CYYR1: variants seen among roughly 807,000 people sequenced by gnomAD.
CYYR1 encodes cysteine and tyrosine-rich protein 1.
CYYR1 carries 14 observed loss-of-function variants against 15.2 expected under a neutral mutation model. The observed-to-expected ratio is 0.92, with a 90% CI of 0.61 to 1.44. The LOEUF (loss-of-function observed/expected upper bound fraction) is 1.44, where lower values mean the gene tolerates loss of function less well. Ranked by LOEUF, CYYR1 falls within the 40% of genes most tolerant of loss-of-function variation. The pLI, the probability that CYYR1 is intolerant of heterozygous loss-of-function variation, is 0.00. For synonymous variants in CYYR1, 80 were observed against 77.4 expected, an observed-to-expected ratio of 1.03 and a Z score of -0.18; for missense variants, 228 against 209.5, an observed-to-expected ratio of 1.09 and a Z score of -0.54.
chr21:26,506,000 T>C (rs1330498051), intron 2 of CYYR1, among the ~76,000 whole-genome samples: 2 of 152,164 alleles, frequency 1.3e-5, no homozygotes, highest in Non-Finnish European at 2.9e-5. Flanking sequence ...ATATGCTGCA[T>C]GATGAATTTT....
chr21:26,541,229 T>A (rs182511089), intron 2 of CYYR1, among the ~76,000 whole-genome samples: 1 of 152,186 alleles, frequency 6.6e-6, no homozygotes, highest in East Asian at 1.9e-4. Flanking sequence ...GAAAGAATGT[T>A]TAAAAATTTC....
At chr21:26,512,179 T>A (rs2065656977) in intron 2 of CYYR1, among the ~76,000 whole-genome samples, 1 of 152,062 alleles carries the variant, frequency 6.6e-6, no homozygotes, top group African/African-American at 2.4e-5. Context: ...AGGAGTATCG[T>A]TCACATTCAG....
In CYYR1 at chr21:26,572,890, C is replaced by G; in HGVS notation, c.51G>C (p.Leu17Phe). The G allele has an allele frequency of 6.2e-7, 1 of 1,614,070 alleles. No homozygotes were observed. The highest frequency in any genetic ancestry group is 2.2e-5 in the East Asian group (1 of 44,842). ...GACCTGCGTAGACAAAGAGCAGGAC[C>G]AACTTCGGAAGCAAGACCCCTGGAC... is the stretch of plus-strand genomic sequence containing the variant. ...PVRPGVLLPK[L>F]VLLFVYADDC... Residue 17 changes from leucine to phenylalanine, a missense_variant, in exon 1 of 4, where the codon TTG (leucine) becomes TTC (phenylalanine). Transcript: ENST00000652641.
At chr21:26,495,508 T>C (rs1569147500) in intron 2 of CYYR1, among the ~76,000 whole-genome samples, 1 of 152,118 alleles carries the variant, frequency 6.6e-6, no homozygotes, top group Non-Finnish European at 1.5e-5. Flanking sequence ...CATTGGAGGG[T>C]TGTCTAATTG....
At chr21:26,556,890 T>C (rs779769723) in intron 2 of CYYR1, among the ~76,000 whole-genome samples, 2 of 152,068 alleles carry the variant, frequency 1.3e-5, no homozygotes, top group Non-Finnish European at 2.9e-5. Context: ...AATCCAGATA[T>C]AGTGGGTAAG....
chr21:26,566,392 A>T, intron 1 of CYYR1, 24 bp from the exon 2 acceptor site: 1 of 1,557,562 alleles, frequency 6.4e-7, no homozygotes, highest in Non-Finnish European at 8.8e-7. Context: ...ACCACTTGTG[A>T]GCAGTTATAG....
At chr21:26,563,275 C>T (rs1255820520) in intron 2 of CYYR1, among the ~76,000 whole-genome samples, 3 of 150,688 alleles carry the variant, frequency 2.0e-5, no homozygotes, top group Non-Finnish European at 4.4e-5. Context: ...TAGAAAGAAT[C>T]TAAAAAAAAA....
chr21:26,468,708 C>T (rs940817285), intron 3 of CYYR1, 74 bp from the exon 4 acceptor site: 2 of 1,170,182 alleles, frequency 1.7e-6, no homozygotes, highest in Non-Finnish European at 2.4e-6. Flanking sequence ...AGCCACTGGG[C>T]TAGATACTTT....
rs552716709 is a variant in CYYR1, at chr21:26,524,828, C to T, written c.176+41438G>A. Among the ~76,000 whole-genome samples, 6 of 152,242 alleles carry T rather than the reference C, an allele frequency of 3.9e-5. No individual in the cohort carries two copies. The South Asian group carries it at 8.3e-4, about 21-fold the overall frequency. Reference sequence around the variant, plus strand: ...GAAAATAAATGACTACAGGTAAAGACGATGTTTGTAATATTCCCCTCTACA... The same window carrying T: ...GAAAATAAATGACTACAGGTAAAGATGATGTTTGTAATATTCCCCTCTACA... On this transcript the variant is annotated intron_variant, in intron 2 of 3. Transcript: ENST00000652641.
intron 2 of CYYR1, among the ~76,000 whole-genome samples, chr21:26,481,564 CT>C (rs897005409): frequency 6.6e-5 from 10 of 152,074 alleles, no homozygotes; most frequent in African/African-American, 2.2e-4. Flanking sequence ...TGATCTTGTT[CT>C]TTTTTATGGC....
chr21:26,493,154 A>G (rs192604677), intron 2 of CYYR1, among the ~76,000 whole-genome samples: 4 of 152,330 alleles, frequency 2.6e-5, no homozygotes, highest in African/African-American at 7.2e-5. Flanking sequence ...TTGCTGGAAT[A>G]AAAAACAGAG....
chr21:26,467,229 AT>A lies in CYYR1; in HGVS notation c.*1271del, dbSNP rs2123343625. On this transcript the variant is annotated 3_prime_UTR_variant, in exon 4 of 4. Transcript: ENST00000652641. ...TTTATAAATACATGAAACAATTCAT[AT>A]AAAAATATAAATGTTAAGGTCACTC... 1 of 152,330 alleles carries A rather than the reference AT, an allele frequency of 6.6e-6. No homozygotes were observed. Among genetic ancestry groups the A allele is most frequent in the South Asian group, 2.1e-4 (1 of 4,832 alleles). 9.4% of individuals were successfully genotyped at this position (152,330 alleles called of 1,614,324 possible). A position where few individuals can be genotyped will look rare whatever the true frequency, so the allele number is the denominator to read the frequency against.
At chr21:26,566,032 T>C (rs534126025) in intron 2 of CYYR1, among the ~76,000 whole-genome samples, 1 of 152,322 alleles carries the variant, frequency 6.6e-6, no homozygotes, top group East Asian at 1.9e-4. Flanking sequence ...AGAATAACTC[T>C]TTTTAGTTCC....
intron 2 of CYYR1, among the ~76,000 whole-genome samples, chr21:26,487,300 A>G (rs2065262338): frequency 6.6e-6 from 1 of 152,134 alleles, no homozygotes; most frequent in Non-Finnish European, 1.5e-5. Context: ...TAAAAAAATT[A>G]TAAGTGAAGC....
intron 2 of CYYR1, among the ~76,000 whole-genome samples, chr21:26,516,001 G>T (rs2065723278): frequency 6.6e-6 from 1 of 152,170 alleles, no homozygotes; most frequent in Non-Finnish European, 1.5e-5. Context: ...TGAAATGTAA[G>T]AAGTTGGCGT....
chr21:26,511,974 A>C (rs1338136074), intron 2 of CYYR1, among the ~76,000 whole-genome samples: 1 of 139,542 alleles, frequency 7.2e-6, no homozygotes, highest in South Asian at 2.3e-4. Context: ...AAATATGTCA[A>C]CAATATCACA....
chr21:26,522,678 A>G (rs1173100816), intron 2 of CYYR1, among the ~76,000 whole-genome samples: 5 of 152,186 alleles, frequency 3.3e-5, no homozygotes, highest in African/African-American at 1.2e-4. Context: ...AAGATAAAAC[A>G]CCACGTTCCT....
At chr21:26,495,269 G>A (rs2065381302) in intron 2 of CYYR1, among the ~76,000 whole-genome samples, 2 of 152,124 alleles carry the variant, frequency 1.3e-5, no homozygotes, top group Non-Finnish European at 2.9e-5. Context: ...AGGAATTAAA[G>A]GGGTAGTAAT....
In CYYR1 at chr21:26,560,110, C is replaced by G. The variant is rs77093092; in HGVS notation, c.176+6156G>C. Among the ~76,000 whole-genome samples, 109 of 152,266 alleles carry G rather than the reference C, an allele frequency of 7.2e-4. No homozygotes were observed. In the East Asian group the frequency reaches 0.018, roughly 25 times the overall value. On this transcript the variant is annotated intron_variant, in intron 2 of 3. Coordinates refer to ENST00000652641, the MANE Select transcript of CYYR1 (RefSeq NM_001320768.2). ...TATGTCTCTTAATTTCATTAGGTCT[C>G]TCTTTATCCCTTGTAATTTTTACAT...
Sources: gnomAD v4.1 joint callset for allele counts (sites outside exome capture counted in the v4.1 genomes callset) on GRCh38, gnomAD v4.1.1 for gene constraint, MANE v1.5 for transcripts, NCBI Gene and HGNC (gene_info 2026-07-23, HGNC 2026-07-21) for gene names.